SPTBN1: variants seen among roughly 807,000 people sequenced by gnomAD.
SPTBN1 encodes the protein spectrin beta chain, non-erythrocytic 1.
A neutral mutation model predicts 266.4 loss-of-function variants in SPTBN1; 32 were observed. The ratio of observed to expected loss-of-function variants is 0.12; its 90% CI spans 0.09 to 0.16. SPTBN1 has a LOEUF of 0.16. Ranked by LOEUF, SPTBN1 falls within the 10% of genes least tolerant of loss-of-function variation. The probability of loss-of-function intolerance (pLI) is 1.00; values close to 1 mark genes in which losing one functional copy is unlikely to be tolerated. For synonymous variants in SPTBN1, 1,336 were observed against 1,162.2 expected, an observed-to-expected ratio of 1.15 and a Z score of -3.04; for missense variants, 2,296 against 3,067.1, an observed-to-expected ratio of 0.75 and a Z score of 5.94.
intron 3 of SPTBN1, among the ~76,000 whole-genome samples, chr2:54,600,453 A>G (rs1558415236): frequency 6.6e-6 from 1 of 151,960 alleles, no homozygotes; most frequent in East Asian, 1.9e-4. Flanking sequence ...AATAACGGAG[A>G]CCCCTGCTCA....
intron 3 of SPTBN1, among the ~76,000 whole-genome samples, chr2:54,606,686 A>G (rs1052937455): frequency 6.6e-6 from 1 of 152,232 alleles, no homozygotes; most frequent in Non-Finnish European, 1.5e-5. Context: ...ACAAAAGGAA[A>G]AACTTAAAGA....
intron 1 of SPTBN1, among the ~76,000 whole-genome samples, chr2:54,463,420 G>GA (rs1327427572): frequency 6.6e-5 from 10 of 152,238 alleles, no homozygotes; most frequent in African/African-American, 2.4e-4. Flanking sequence ...AGTGGAGCTG[G>GA]AGAGAGGTCA....
intron 1 of SPTBN1, among the ~76,000 whole-genome samples, chr2:54,492,844 ACT>A (rs147423511): frequency 0.023 from 3,496 of 152,002 alleles, 145 homozygotes; most frequent in African/African-American, 0.079. Flanking sequence ...AAGCTATCAG[ACT>A]CTGTTTAGCT....
In SPTBN1 at chr2:54,664,738, G is replaced by GA; in HGVS notation, c.6659+49dup. On this transcript the variant is annotated intron_variant, in intron 33 of 35. Transcript: ENST00000356805. The surrounding 1 kb of genome is among the most constrained non-coding windows in gnomAD (Gnocchi z 5.6). ...ACAGTAAGATGGGAAGTCAGCCTGT[G>GA]AAGGGATAAGGCGGGCCACTCTTGA... 1.9e-6 allele frequency: 3 copies of GA among 1,588,760 alleles called. No homozygotes were observed. The highest frequency in any genetic ancestry group is 2.2e-5 in the South Asian group (2 of 90,184).
intron 3 of SPTBN1, among the ~76,000 whole-genome samples, chr2:54,610,039 T>C (rs1470688815): frequency 8.7e-6 from 1 of 115,584 alleles, no homozygotes; most frequent in Non-Finnish European, 1.9e-5. Flanking sequence ...CAGGGCACTT[T>C]CGTCTGCATT....
chr2:54,524,289 A>G (rs1670666656), intron 1 of SPTBN1, among the ~76,000 whole-genome samples: 1 of 152,082 alleles, frequency 6.6e-6, no homozygotes, highest in South Asian at 2.1e-4. Flanking sequence ...CTTTCTTCCT[A>G]CATTTGCAGA....
chr2:54,661,478 T>G, intron 32 of SPTBN1: 1 of 985,868 alleles, frequency 1.0e-6, no homozygotes, highest in Non-Finnish European at 1.2e-6. Context: ...TATAGCATCT[T>G]GTTTGTTTTT....
chr2:54,496,566 C>T (rs1157137942), intron 1 of SPTBN1, among the ~76,000 whole-genome samples: 1 of 151,232 alleles, frequency 6.6e-6, no homozygotes, highest in Non-Finnish European at 1.5e-5. Flanking sequence ...CAAAACAGTT[C>T]TAGATGTAAG....
intron 19 of SPTBN1, 79 bp from the exon 20 acceptor site, chr2:54,644,244 T>G: frequency 6.5e-7 from 1 of 1,529,050 alleles, no homozygotes; most frequent in Non-Finnish European, 8.9e-7. Flanking sequence ...AGATCAAATG[T>G]CCTAGGTTTG....
At chr2:54,574,285 A>T (rs1674303430) in intron 2 of SPTBN1, among the ~76,000 whole-genome samples, 1 of 152,132 alleles carries the variant, frequency 6.6e-6, no homozygotes, top group Non-Finnish European at 1.5e-5. Context: ...TACAGTTATT[A>T]GTGTGGCGGA....
intron 2 of SPTBN1, among the ~76,000 whole-genome samples, chr2:54,548,388 C>T (rs1428658898): frequency 6.6e-6 from 1 of 152,154 alleles, no homozygotes; most frequent in East Asian, 1.9e-4. Flanking sequence ...GGCTGTCATT[C>T]TCTCTGAGCT....
chr2:54,652,764 C>T (rs1227816788), intron 26 of SPTBN1: 1 of 152,226 alleles, frequency 6.6e-6, no homozygotes, highest in East Asian at 1.9e-4. Flanking sequence ...TAATAGATGA[C>T]ACATTACAGT....
intron 2 of SPTBN1, among the ~76,000 whole-genome samples, chr2:54,587,768 G>C (rs1190348333): frequency 6.6e-6 from 1 of 152,126 alleles, no homozygotes; most frequent in Non-Finnish European, 1.5e-5. Context: ...ACCATAGTTT[G>C]TCCCTCCTGC....
At chr2:54,655,853 C>T (rs1680616139) in intron 28 of SPTBN1, 61 bp from the exon 29 acceptor site, 4 of 1,286,954 alleles carry the variant, frequency 3.1e-6, no homozygotes, top group Non-Finnish European at 4.5e-6. Flanking sequence ...ATAAAATGAC[C>T]CCATCAAGAG....
At position 54,647,281 on chromosome 2, in the gene SPTBN1, T is replaced by G; in HGVS notation, c.4997+20T>G. On this transcript the variant is annotated intron_variant, in intron 24 of 35. Coordinates refer to ENST00000356805, the MANE Select transcript of SPTBN1 (RefSeq NM_003128.3). ...TGAAAGGTGAGCGCTGCTTCATGAG[T>G]GTGAGACCCGGCTCTCGATTCCTCT... The G allele has an allele frequency of 1.2e-6, 2 of 1,612,220 alleles. No individual in the cohort carries two copies. The highest frequency in any genetic ancestry group is 2.2e-5 in the South Asian group (2 of 91,046).
chr2:54,489,580 ATC>A (rs1668579052), intron 1 of SPTBN1, among the ~76,000 whole-genome samples: 1 of 152,036 alleles, frequency 6.6e-6, no homozygotes, highest in Non-Finnish European at 1.5e-5. Context: ...TGCATCTGTA[ATC>A]TCTGTTCTTG....
chr2:54,512,906 T>A (rs1380051250), intron 1 of SPTBN1, among the ~76,000 whole-genome samples: 1 of 152,190 alleles, frequency 6.6e-6, no homozygotes, highest in African/African-American at 2.4e-5. Context: ...GGTTTAAAGA[T>A]GAACAGAATA....
chr2:54,513,078 G>A (rs760801961), intron 1 of SPTBN1, among the ~76,000 whole-genome samples: 2 of 152,160 alleles, frequency 1.3e-5, no homozygotes, highest in African/African-American at 2.4e-5. Context: ...AGTGGTTCCA[G>A]CTACCAGGGA....
chr2:54,558,739 T>C lies in SPTBN1; in HGVS notation c.148+32173T>C, dbSNP rs1673057755. Reference sequence around the variant, plus strand: ...GGAGTGGGAGGGGGCTGGAGCGAGATTTCCAGGGCGCAGTCCTCCGGGGCG... The same window carrying C: ...GGAGTGGGAGGGGGCTGGAGCGAGACTTCCAGGGCGCAGTCCTCCGGGGCG... On this transcript the variant is annotated intron_variant, in intron 2 of 35. Transcript: ENST00000356805. The surrounding 1 kb of genome is among the most constrained non-coding windows in gnomAD (Gnocchi z 4.6). The C allele has an allele frequency of 6.3e-7, 1 of 1,595,058 alleles. No individual in the cohort carries two copies. The highest frequency in any genetic ancestry group is 8.6e-7 in the Non-Finnish European group (1 of 1,167,204).
Sources: allele counts gnomAD v4.1 joint callset (sites outside exome capture counted in the v4.1 genomes callset), GRCh38; gene constraint gnomAD v4.1.1; non-coding constraint Gnocchi (gnomAD v3.1); transcripts MANE v1.5; gene names NCBI Gene and HGNC (gene_info 2026-07-23, HGNC 2026-07-21).